Variants in KNSTRN observed in about 807,000 individuals in gnomAD.
KNSTRN encodes kinetochore localized astrin (SPAG5) binding protein.
A neutral mutation model predicts 44.7 loss-of-function variants in KNSTRN; 38 were observed. That is an observed-to-expected ratio of 0.85 (90% CI 0.66 to 1.11). The LOEUF (loss-of-function observed/expected upper bound fraction) is 1.11, where lower values mean the gene tolerates loss of function less well. Among genes scored for constraint, KNSTRN ranks in the 50% most tolerant of loss-of-function variants. The pLI is 0.00. For synonymous variants in KNSTRN, 158 were observed against 148.1 expected, an observed-to-expected ratio of 1.07 and a Z score of -0.48; for missense variants, 406 against 375.8, an observed-to-expected ratio of 1.08 and a Z score of -0.66.
chr15:40,386,723 T>G, intron 3 of KNSTRN: 2 of 551,964 alleles, frequency 3.6e-6, no homozygotes, highest in Non-Finnish European at 6.4e-6. Context: ...CTTTCATCGC[T>G]TGCTCTGAGC....
intron 2 of KNSTRN, chr15:40,384,247 G>A (rs570833317): frequency 2.3e-4 from 64 of 280,066 alleles, no homozygotes; most frequent in South Asian, 1.7e-3. Context: ...GGTGGCGGGC[G>A]CCTGTAGTCC....
chr15:40,383,209 T>A lies in KNSTRN; in HGVS notation c.210-19T>A. ...CCCAGTGGCCCAGCGCTGGGTAACA[T>A]TCATCCTGTACCTTCCAGGGTTCAG... On this transcript the variant is annotated intron_variant, in intron 1 of 8. Coordinates refer to ENST00000249776, the MANE Select transcript of KNSTRN (RefSeq NM_033286.4). 1 of 1,611,804 alleles carries A rather than the reference T, an allele frequency of 6.2e-7. No individual in the cohort carries two copies. Among genetic ancestry groups the A allele is most frequent in the Non-Finnish European group, 8.5e-7 (1 of 1,177,984 alleles).
At position 40,394,271 on chromosome 15, in the gene KNSTRN, A is replaced by AAAT. The variant is rs1407071698; in HGVS notation, c.*676_*678dup. The AAAT allele has an allele frequency of 6.6e-6, 1 of 152,230 alleles. No individual in the cohort carries two copies. The highest frequency in any genetic ancestry group is 1.5e-5 in the Non-Finnish European group (1 of 68,044). The allele number at this position is 152,230 out of a possible 1,614,324, so 9.4% of individuals were successfully genotyped here. A position where few individuals can be genotyped will look rare whatever the true frequency, so the allele number is the denominator to read the frequency against. On this transcript the variant is annotated 3_prime_UTR_variant, in exon 9 of 9. Transcript: ENST00000249776. ...TTCTGACTGTAACATTGAGGAATGA[A>AAAT]AATAGCCTTTTAACCTAGATATGTC...
intron 4 of KNSTRN, among the ~76,000 whole-genome samples, chr15:40,388,205 G>A (rs1020674832): frequency 6.6e-6 from 1 of 152,164 alleles, no homozygotes; most frequent in African/African-American, 2.4e-5. Context: ...CTTCAGAGCT[G>A]AGAGCCCCGA....
rs1000746002 is a variant in KNSTRN, at chr15:40,394,031, C to G, written c.*434C>G. Reference sequence around the variant, plus strand: ...CATTGAGGAGCCATGCTGTCCCCTTCTAACCTGAAACACATTCTTTCCCAT... The same window carrying G: ...CATTGAGGAGCCATGCTGTCCCCTTGTAACCTGAAACACATTCTTTCCCAT... On this transcript the variant is annotated 3_prime_UTR_variant, in exon 9 of 9. Transcript: ENST00000249776. The G allele has an allele frequency of 6.5e-6, 1 of 154,434 alleles. No individual in the cohort carries two copies. The highest frequency in any genetic ancestry group is 2.4e-5 in the African/African-American group (1 of 41,454). 9.6% of individuals were successfully genotyped at this position (154,434 alleles called of 1,614,324 possible).
chr15:40,386,525 A>T, intron 3 of KNSTRN, 31 bp downstream of exon 3: 1 of 1,605,948 alleles, frequency 6.2e-7, no homozygotes, highest in Non-Finnish European at 8.5e-7. Flanking sequence ...TCCAGTTAGA[A>T]CATCTTCCTA....
intron 6 of KNSTRN, among the ~76,000 whole-genome samples, chr15:40,390,715 A>G (rs1028801600): frequency 6.6e-6 from 1 of 152,014 alleles, no homozygotes; most frequent in Non-Finnish European, 1.5e-5. Flanking sequence ...CCTGGGTTCA[A>G]GTGATTCTCC....
Position 40,382,870 on chromosome 15 carries a change from T to C in KNSTRN, c.35T>C (p.Val12Ala), listed in dbSNP as rs1889831286. The change falls in exon 1 of 9, where the codon GTT (valine) becomes GCT (alanine). Residue 12 changes from valine (V) to alanine (A), a missense_variant. Physicochemically the swap from Val to Ala is moderately conservative, Grantham distance 64. Transcript: ENST00000249776. ...CCCGAAGCCCCGCCCCTGGACAGAGTTTTCCGTACAACATGGCTGTCTACA... is the reference window on the plus strand; with the variant it reads ...CCCGAAGCCCCGCCCCTGGACAGAGCTTTCCGTACAACATGGCTGTCTACA... ...AAPEAPPLDR[V>A]FRTTWLSTEC... is the part of the protein sequence containing the mutation. The C allele has an allele frequency of 6.2e-7, 1 of 1,611,666 alleles. No homozygotes were observed. The highest frequency in any genetic ancestry group is 1.3e-5 in the African/African-American group (1 of 74,780).
In KNSTRN at chr15:40,383,211, C is replaced by T. The variant is rs369539685; in HGVS notation, c.210-17C>T. On this transcript the variant is annotated splice_polypyrimidine_tract_variant and intron_variant, in intron 1 of 8. Transcript: ENST00000249776. ...CAGTGGCCCAGCGCTGGGTAACATT[C>T]ATCCTGTACCTTCCAGGGTTCAGCC... 25 of 1,611,516 alleles carry T rather than the reference C, an allele frequency of 1.6e-5. No individual in the cohort carries two copies. The highest frequency in any genetic ancestry group is 1.6e-4 in the Middle Eastern group (1 of 6,076).
At position 40,389,892 on chromosome 15, in the gene KNSTRN, C is replaced by A. The variant is rs2141275303; in HGVS notation, c.648C>A (p.Asn216Lys). 6.2e-7 allele frequency: 1 copy of A among 1,614,214 alleles called. No individual in the cohort carries two copies. Among genetic ancestry groups the A allele is most frequent in the East Asian group, 2.2e-5 (1 of 44,888 alleles). The change falls in exon 6 of 9, where the codon AAC becomes AAA. Residue 216 changes from asparagine to lysine, a missense_variant. By Grantham distance (94) the Asn-to-Lys change is moderately conservative. Transcript: ENST00000249776. ...AGCTGCTGGAGAAGTTTCGGGACAA[C>A]TGTTTGGCAATTTTGGAGAGCAAGG... Reference protein sequence around the residue: ...KVELLEKFRDNCLAILESKGL... With the variant: ...KVELLEKFRDKCLAILESKGL...
chr15:40,389,060 G>T lies in KNSTRN; in HGVS notation c.486-446G>T, dbSNP rs1402176850. 1.0e-5 allele frequency: 4 copies of T among 388,392 alleles called. No individual in the cohort carries two copies. The Admixed American group carries it at 1.3e-4, about 13-fold the overall frequency. The allele number at this position is 388,392 out of a possible 1,614,324, so 24.1% of individuals were successfully genotyped here. The stretch of plus-strand genomic sequence containing the variant: ...AATGAGGAAACAAGGCCTCAGGGAG[G>T]TTATGCAACTCACTGAAGGTCATAT... On this transcript the variant is annotated intron_variant, in intron 4 of 8. Transcript: ENST00000249776.
intron 7 of KNSTRN, 43 bp downstream of exon 7, chr15:40,391,597 T>A: frequency 6.7e-7 from 1 of 1,495,580 alleles, no homozygotes; most frequent in Non-Finnish European, 9.3e-7. Flanking sequence ...TGAGTGACTG[T>A]GGGGCTCTGT....
chr15:40,386,697 A>G, intron 3 of KNSTRN: 1 of 589,524 alleles, frequency 1.7e-6, no homozygotes, highest in South Asian at 2.2e-5. Flanking sequence ...CAGAGTTATA[A>G]GAGGTGTTCT....
intron 2 of KNSTRN, 90 bp downstream of exon 2, chr15:40,383,412 G>A: frequency 1.0e-6 from 1 of 989,280 alleles, no homozygotes; most frequent in Non-Finnish European, 1.5e-6. Flanking sequence ...CGGGCACGGG[G>A]AAGGGCGTCC....
intron 7 of KNSTRN, 42 bp downstream of exon 7, chr15:40,391,596 G>C: frequency 6.7e-7 from 1 of 1,494,670 alleles, no homozygotes; most frequent in Non-Finnish European, 9.3e-7. Context: ...CTGAGTGACT[G>C]TGGGGCTCTG....
intron 4 of KNSTRN, chr15:40,389,054 A>G: frequency 2.6e-6 from 1 of 379,408 alleles, no homozygotes; most frequent in East Asian, 7.7e-5. Flanking sequence ...ACAAGGCCTC[A>G]GGGAGGTTAT....
chr15:40,387,898 C>T (rs1325243887), intron 4 of KNSTRN, among the ~76,000 whole-genome samples: 1 of 152,146 alleles, frequency 6.6e-6, no homozygotes, highest in Non-Finnish European at 1.5e-5. Context: ...ATCCCAGCTA[C>T]TCAGGAGGCT....
rs374473391 is a variant in KNSTRN, at chr15:40,383,293, C to T, written c.275C>T (p.Pro92Leu). The T allele has an allele frequency of 1.2e-5, 19 of 1,613,392 alleles. No individual in the cohort carries two copies. The African/African-American group carries it at 1.9e-4, about 16-fold the overall frequency. Residue 92 changes from proline to leucine, a missense_variant, in exon 2 of 9, where the codon CCC becomes CTC. By Grantham distance (98) the Pro-to-Leu change is moderately conservative. Transcript: ENST00000249776. ...VVKTVYSLQPPSALSGGQPAD... is the reference protein window; with the variant it reads ...VVKTVYSLQPLSALSGGQPAD... Reference sequence around the variant, plus strand: ...AAGACAGTGTATAGCCTGCAGCCCCCCTCTGCGCTGAGCGGCGGCCAGCCG... The same window carrying T: ...AAGACAGTGTATAGCCTGCAGCCCCTCTCTGCGCTGAGCGGCGGCCAGCCG...
Position 40,387,178 on chromosome 15 carries a change from A to C in KNSTRN, c.457A>C (p.Thr153Pro). The change falls in exon 4 of 9, where the codon ACT (threonine) becomes CCT (proline). Residue 153 changes from threonine (T) to proline (P), a missense_variant. Physicochemically the swap from Thr to Pro is conservative, Grantham distance 38. Coordinates refer to ENST00000249776, the MANE Select transcript of KNSTRN (RefSeq NM_033286.4). ...TCCTAGGCAAATGAAAGCTACTGAC[A>C]CTGCCACCAGAAGGAATGTCAGAAA... ...RENGQMKATDTATRRNVRKGY... is the reference protein window; with the variant it reads ...RENGQMKATDPATRRNVRKGY... 1.2e-6 allele frequency: 2 copies of C among 1,613,642 alleles called. No individual in the cohort carries two copies. The highest frequency in any genetic ancestry group is 1.7e-6 in the Non-Finnish European group (2 of 1,179,582).
Sources: gnomAD v4.1 joint callset for allele counts (sites outside exome capture counted in the v4.1 genomes callset) on GRCh38, gnomAD v4.1.1 for gene constraint, MANE v1.5 for transcripts, NCBI Gene and HGNC (gene_info 2026-07-23, HGNC 2026-07-21) for gene names.